Variants in UVSSA observed in about 807,000 individuals in gnomAD.
The protein encoded by UVSSA is UV stimulated scaffold protein A, also known as UV-stimulated scaffold protein A.
A neutral mutation model predicts 73.9 loss-of-function variants in UVSSA; 72 were observed. The observed-to-expected ratio is 0.97, with a 90% CI of 0.81 to 1.19. UVSSA has a LOEUF of 1.19. Among genes scored for constraint, UVSSA ranks in the 50% most tolerant of loss-of-function variants. The pLI is 0.00. For missense variants in UVSSA, 1,150 were observed against 965.0 expected (o/e 1.19, Z -2.54); for synonymous variants, 454 against 391.3 (o/e 1.16, Z -1.89).
chr4:1,393,538 G>A (rs1577395746), exon 14 of UVSSA: 1 of 151,778 alleles, frequency 6.6e-6, no homozygotes, highest in East Asian at 1.9e-4. Context: ...CTGGGCCACA[G>A]AGCGAGACGC....
At chr4:1,378,290 C>T (rs1466915832) in intron 10 of UVSSA, among the ~76,000 whole-genome samples, 2 of 152,212 alleles carry the variant, frequency 1.3e-5, no homozygotes, top group South Asian at 2.1e-4. Flanking sequence ...CAGTGGCTCA[C>T]GCCTGTAATC....
At chr4:1,390,416 A>G (rs1486927246), downstream of UVSSA, 1 of 152,224 alleles carries the variant, frequency 6.6e-6, no homozygotes, top group Non-Finnish European at 1.5e-5. Flanking sequence ...AGTAGCTGAG[A>G]CTACAGGCAT....
At chr4:1,367,083 C>A (rs1717430208) in intron 8 of UVSSA, among the ~76,000 whole-genome samples, 1 of 152,248 alleles carries the variant, frequency 6.6e-6, no homozygotes, top group Non-Finnish European at 1.5e-5. Flanking sequence ...GATGCCACAG[C>A]CTCGGGTCTG....
chr4:1,354,715 C>A lies in UVSSA; in HGVS notation c.935-20C>A. 1.2e-6 allele frequency: 2 copies of A among 1,609,452 alleles called. No individual in the cohort carries two copies. Among genetic ancestry groups the A allele is most frequent in the South Asian group, 2.2e-5 (2 of 90,580 alleles). ...ACGCCAGTCGGCGCCCTCTTGTGACCTCTGTGTGCTTCTCCCCAGAGGGCC... is the reference window on the plus strand; with the variant it reads ...ACGCCAGTCGGCGCCCTCTTGTGACATCTGTGTGCTTCTCCCCAGAGGGCC... On this transcript the variant is annotated intron_variant, in intron 5 of 13. Transcript: ENST00000389851.
chr4:1,350,991 C>T (rs906844207), intron 3 of UVSSA, among the ~76,000 whole-genome samples: 22 of 152,102 alleles, frequency 1.4e-4, no homozygotes, highest in Non-Finnish European at 2.1e-4. Flanking sequence ...CTGCAACCTC[C>T]GCCTCCCTGG....
At chr4:1,344,925 G>T (rs753788700), upstream of UVSSA, among the ~76,000 whole-genome samples, 1 of 152,190 alleles carries the variant, frequency 6.6e-6, no homozygotes, top group South Asian at 2.1e-4. Flanking sequence ...CCGGCAGAGG[G>T]ATCCGCTCCC....
intron 10 of UVSSA, among the ~76,000 whole-genome samples, chr4:1,378,493 G>A (rs933810432): frequency 2.0e-5 from 3 of 152,210 alleles, no homozygotes; most frequent in Non-Finnish European, 2.9e-5. Context: ...GGAGTTTGCA[G>A]TGAGCTGAGA....
rs1280742092 is a variant in UVSSA, at chr4:1,354,427, G to A, written c.935-308G>A. On this transcript the variant is annotated intron_variant, in intron 5 of 13. Coordinates refer to ENST00000389851, the MANE Select transcript of UVSSA (RefSeq NM_020894.4). ...AAGGTTCTGTGCCCGGCGTGTGGGG[G>A]CGGTGAGTAGAAGAGGCTGTGGGTG... 5 of 393,470 alleles carry A rather than the reference G, an allele frequency of 1.3e-5. No individual in the cohort carries two copies. The East Asian group carries it at 1.5e-4, about 12-fold the overall frequency. 24.4% of individuals were successfully genotyped at this position (393,470 alleles called of 1,614,324 possible).
At chr4:1,379,619 GT>G (rs1719199361) in intron 10 of UVSSA, among the ~76,000 whole-genome samples, 1 of 152,220 alleles carries the variant, frequency 6.6e-6, no homozygotes, top group Admixed American at 6.5e-5. Context: ...CGTCCCTGCA[GT>G]GGAAGGACGA....
rs904060447 is a variant in UVSSA at position 1,386,568 on chromosome 4, G to C, written c.*607G>C. ...TGAAAACCTGTCCATGCGGAAGCTT[G>C]TGCACCCATGTTCACAGCAGCATTG... is the stretch of plus-strand genomic sequence containing the variant. On this transcript the variant is annotated 3_prime_UTR_variant, in exon 14 of 14. Coordinates refer to ENST00000389851, the MANE Select transcript of UVSSA (RefSeq NM_020894.4). The C allele has an allele frequency of 2.0e-5, 3 of 152,924 alleles. No individual in the cohort carries two copies. The highest frequency in any genetic ancestry group is 2.9e-5 in the Non-Finnish European group (2 of 68,572). 9.5% of individuals were successfully genotyped at this position (152,924 alleles called of 1,614,324 possible).
chr4:1,367,801 C>G (rs1717526162), intron 8 of UVSSA, among the ~76,000 whole-genome samples: 2 of 151,612 alleles, frequency 1.3e-5, no homozygotes, highest in African/African-American at 4.8e-5. Context: ...GACCCCTTCC[C>G]CCACCGAGAC....
At chr4:1,353,821 T>A (rs1349465414) in intron 5 of UVSSA, among the ~76,000 whole-genome samples, 1 of 152,158 alleles carries the variant, frequency 6.6e-6, no homozygotes, top group Non-Finnish European at 1.5e-5. Flanking sequence ...CAGGGTCCCG[T>A]GTCGCCATGA....
rs747091694 is a variant in UVSSA at position 1,380,164 on chromosome 4, T to C, written c.1686T>C (p.Pro562=). The change falls in exon 11 of 14, where the codon CCT becomes CCC. Residue 562 remains proline, a synonymous_variant. Transcript: ENST00000389851. ...RHITFAGKFE[P]VQHWCRAPRP... ...TCACTTTTGCCGGGAAGTTTGAGCC[T>C]GTGCAGCACTGGTGCCGTGCCCCGA... is the stretch of plus-strand genomic sequence containing the variant. 14 of 1,613,142 alleles carry C rather than the reference T, an allele frequency of 8.7e-6. No individual in the cohort carries two copies. Among genetic ancestry groups the C allele is most frequent in the Non-Finnish European group, 1.1e-5 (13 of 1,179,998 alleles).
chr4:1,361,759 T>C (rs1162075204), intron 7 of UVSSA, among the ~76,000 whole-genome samples: 1 of 152,198 alleles, frequency 6.6e-6, no homozygotes, highest in Non-Finnish European at 1.5e-5. Context: ...ATTTTTGGTT[T>C]ATAAGATAGA....
At chr4:1,375,539 C>T (rs1718661858) in intron 9 of UVSSA, 31 bp downstream of exon 9, 2 of 1,595,680 alleles carry the variant, frequency 1.3e-6, no homozygotes, top group Middle Eastern at 1.7e-4. Flanking sequence ...TGCTGAGCCC[C>T]CTGCCCGGCG....
At chr4:1,363,179 A>C (rs4974554) in intron 7 of UVSSA, among the ~76,000 whole-genome samples, 116,222 of 151,818 alleles carry the variant, frequency 0.77, 45,572 homozygotes, top group African/African-American at 0.94. Context: ...GGACCTTGCC[A>C]GGGAGGAAGC....
chr4:1,346,498 G>C (rs1000891114), upstream of UVSSA, among the ~76,000 whole-genome samples: 3 of 152,218 alleles, frequency 2.0e-5, no homozygotes, highest in Non-Finnish European at 4.4e-5. Context: ...CAGGACGGAC[G>C]GCGCCTCTGC....
At position 1,395,776 on chromosome 4, in the gene UVSSA, C is replaced by G. The variant is rs981690648; in HGVS notation, c.*9815C>G. On this transcript the variant is annotated 3_prime_UTR_variant, in exon 14 of 14. Coordinates refer to the UVSSA transcript ENST00000511216. The stretch of plus-strand genomic sequence containing the variant: ...GAGTCAGACGCTGTTACCGTACATT[C>G]TACTCATGGTGGCTTTTTAATACGT... The G allele has an allele frequency of 1.2e-6, 2 of 1,614,088 alleles. No homozygotes were observed. Among genetic ancestry groups the G allele is most frequent in the Non-Finnish European group, 1.7e-6 (2 of 1,180,056 alleles).
At chr4:1,352,678 G>A (rs1393814299) in intron 4 of UVSSA, among the ~76,000 whole-genome samples, 4 of 152,250 alleles carry the variant, frequency 2.6e-5, no homozygotes, top group Admixed American at 6.5e-5. Context: ...ACGACTGGGC[G>A]CGGTGACTCA....
Sources: gnomAD v4.1 joint callset for allele counts (sites outside exome capture counted in the v4.1 genomes callset) on GRCh38, gnomAD v4.1.1 for gene constraint, MANE v1.5 for transcripts, NCBI Gene and HGNC (gene_info 2026-07-23, HGNC 2026-07-21) for gene names.